The following VPS52 variants were observed in gnomAD, a reference collection of about 807,000 sequenced individuals.
The protein encoded by VPS52 is vacuolar protein sorting-associated protein 52 homolog.
A neutral mutation model predicts 98.7 loss-of-function variants in VPS52; 56 were observed. The ratio of observed to expected loss-of-function variants is 0.57; its 90% CI spans 0.46 to 0.71. The LOEUF is 0.71. Among genes scored for constraint, VPS52 ranks in the 30% least tolerant of loss-of-function variants. The pLI, the probability that VPS52 is intolerant of heterozygous loss-of-function variation, is 0.00. For synonymous variants in VPS52, 348 were observed against 346.4 expected (o/e 1.00, Z -0.05); for missense variants, 742 against 925.9 (o/e 0.80, Z 2.58).
intron 17 of VPS52, among the ~76,000 whole-genome samples, chr6:33,252,635 G>C (rs1393453965): frequency 3.5e-5 from 5 of 142,862 alleles, no homozygotes; most frequent in Non-Finnish European, 7.7e-5. Flanking sequence ...CAATTAGTAA[G>C]AACTATGAGG....
chr6:33,267,874 C>T lies in VPS52; in HGVS notation c.924G>A (p.Met308Ile). 13 of 1,613,114 alleles carry T rather than the reference C, an allele frequency of 8.1e-6. No individual in the cohort carries two copies. The highest frequency in any genetic ancestry group is 1.1e-5 in the Non-Finnish European group (13 of 1,180,030). The change falls in exon 9 of 20, where the codon ATG becomes ATA. Residue 308 changes from methionine (M) to isoleucine (I), a missense_variant. By Grantham distance (10) the Met-to-Ile change is conservative. Around this residue, in one of 2 missense-constraint regions of VPS52, gnomAD observed 590 missense variants for 793.3 expected, o/e 0.74. Transcript: ENST00000445902. The surrounding 1 kb of genome is among the most constrained non-coding windows in gnomAD (Gnocchi z 4.2). ...TCCCTCCTGACCTTACCTGCACCTT[C>T]ATGAGCCGCCCCAGGTAAGAGCGGT... ...SYYRSYLGRL[M>I]KVQYEEVAEK... is the part of the protein sequence containing the mutation.
chr6:33,250,519 G>A lies in VPS52; in HGVS notation c.*322C>T, dbSNP rs549565721. The A allele has an allele frequency of 9.4e-6, 3 of 318,206 alleles. No homozygotes were observed. Among genetic ancestry groups the A allele is most frequent in the African/African-American group, 2.1e-5 (1 of 46,738 alleles). The allele number at this position is 318,206 out of a possible 1,614,324, so 19.7% of individuals were successfully genotyped here. A position where few individuals can be genotyped will look rare whatever the true frequency, so the allele number is the denominator to read the frequency against. On this transcript the variant is annotated 3_prime_UTR_variant, in exon 20 of 20. Transcript: ENST00000445902. ...GAGTGAACCAGAGATTGAGGCAGTG[G>A]TTTTTACAGGGGAAGAAACAAGCCT...
intron 3 of VPS52, 36 bp downstream of exon 3, chr6:33,269,963 G>A (rs770800596): frequency 2.1e-5 from 34 of 1,613,504 alleles, no homozygotes; most frequent in Non-Finnish European, 2.8e-5. Context: ...GGGTAGAATA[G>A]ATAGAAGGGC....
Position 33,267,297 on chromosome 6 carries a change from C to T in VPS52, c.1016G>A (p.Arg339His), listed in dbSNP as rs565653358. 7.5e-6 allele frequency: 12 copies of T among 1,598,194 alleles called. No homozygotes were observed. The highest frequency in any genetic ancestry group is 4.0e-5 in the African/African-American group (3 of 74,208). The stretch of plus-strand genomic sequence containing the variant: ...TAGGGTGAAAATGGTGTTCCTGCTG[C>T]GGAGCGATGGCTTTGAGAAGAATCG... ...KKGFFSKPSL[R>H]SRNTIFTLGT... is the part of the protein sequence containing the mutation. Residue 339 changes from arginine (R) to histidine (H), a missense_variant, in exon 11 of 20, where the codon CGC becomes CAC. Arg to His is a conservative substitution (Grantham distance 29). This residue lies in a region of VPS52 where 590 missense variants were observed against 793.3 expected (regional missense o/e 0.74). Coordinates refer to ENST00000445902, the MANE Select transcript of VPS52 (RefSeq NM_022553.6). This position sits in a 1 kb window ranked among gnomAD's most constrained non-coding sequence, Gnocchi z 4.2.
chr6:33,264,745 G>A (rs6935726), intron 13 of VPS52, 37 bp downstream of exon 13: 2 of 1,579,778 alleles, frequency 1.3e-6, no homozygotes, highest in Admixed American at 1.7e-5. Context: ...AAGAGAGTTC[G>A]TGGCCTGTTG....
At position 33,267,378 on chromosome 6, in the gene VPS52, A is replaced by T. The variant is rs1764463260; in HGVS notation, c.992-57T>A. On this transcript the variant is annotated intron_variant, in intron 10 of 19. Coordinates refer to ENST00000445902, the MANE Select transcript of VPS52 (RefSeq NM_022553.6). This position sits in a 1 kb window ranked among gnomAD's most constrained non-coding sequence, Gnocchi z 4.2. ...AGACCATAACTGGGCCCAAAGACTC[A>T]CTATCTGTGGGGACCCCAGACAGGC... is the stretch of plus-strand genomic sequence containing the variant. The T allele has an allele frequency of 6.6e-7, 1 of 1,523,924 alleles. No individual in the cohort carries two copies. Among genetic ancestry groups the T allele is most frequent in the Non-Finnish European group, 8.8e-7 (1 of 1,136,128 alleles). 94.4% of individuals were successfully genotyped at this position (1,523,924 alleles called of 1,614,324 possible).
intron 17 of VPS52, 38 bp downstream of exon 17, chr6:33,263,446 A>G: frequency 6.4e-7 from 1 of 1,561,016 alleles, no homozygotes; most frequent in Non-Finnish European, 8.7e-7. Context: ...TGAAAACAGC[A>G]CAGAAGGCTG....
intron 17 of VPS52, 118 bp downstream of exon 17, chr6:33,263,366 A>G (rs1763866553): frequency 2.8e-6 from 2 of 720,848 alleles, no homozygotes; most frequent in Non-Finnish European, 4.1e-6. Context: ...CATACCTGAG[A>G]TCCATTATGC....
Position 33,267,646 on chromosome 6 carries a change from A to G in VPS52, c.991+36T>C, listed in dbSNP as rs1298905183. 1 of 1,612,066 alleles carries G rather than the reference A, an allele frequency of 6.2e-7. No individual in the cohort carries two copies. Among genetic ancestry groups the G allele is most frequent in the Non-Finnish European group, 8.5e-7 (1 of 1,179,402 alleles). On this transcript the variant is annotated intron_variant, in intron 10 of 19. Coordinates refer to ENST00000445902, the MANE Select transcript of VPS52 (RefSeq NM_022553.6). The surrounding 1 kb of genome is among the most constrained non-coding windows in gnomAD (Gnocchi z 4.2). ...TGGAGTCGAAAGTCCTCCCACTCTC[A>G]AGGCCTGGCATGAGGGTTCCCCAGT...
rs774127115 is a variant in VPS52 at position 33,264,494 on chromosome 6, G to A, written c.1404C>T (p.Tyr468=). The change falls in exon 14 of 20, where the codon TAC becomes TAT. Residue 468 remains tyrosine, a synonymous_variant. Coordinates refer to ENST00000445902, the MANE Select transcript of VPS52 (RefSeq NM_022553.6). The part of the protein sequence containing the change: ...AKRDVPALDR[Y]WEQVLALLWP... ...ATAGCAAGGCAAGCACCTGTTCCCA[G>A]TACCTGTGGGCTTAATCAGAATCAG... 3 of 1,614,126 alleles carry A rather than the reference G, an allele frequency of 1.9e-6. No individual in the cohort carries two copies. Among genetic ancestry groups the A allele is most frequent in the Non-Finnish European group, 2.5e-6 (3 of 1,180,020 alleles).
chr6:33,254,347 C>T (rs942350087), intron 17 of VPS52, among the ~76,000 whole-genome samples: 12 of 152,106 alleles, frequency 7.9e-5, no homozygotes, highest in African/African-American at 2.9e-4. Flanking sequence ...TCACTTATAT[C>T]CACTGAGGGT....
rs1241926465 is a variant in VPS52, at chr6:33,268,008, A to G, written c.801-11T>C. The G allele has an allele frequency of 1.9e-6, 3 of 1,613,074 alleles. No individual in the cohort carries two copies. In the East Asian group the frequency reaches 6.7e-5, roughly 36 times the overall value. ...AACTGATAGAAGAACCTAGGGGGTCAGGAACATGTCAGTCTACCTGTCTCC... is the reference window on the plus strand; with the variant it reads ...AACTGATAGAAGAACCTAGGGGGTCGGGAACATGTCAGTCTACCTGTCTCC... On this transcript the variant is annotated splice_polypyrimidine_tract_variant and intron_variant, in intron 8 of 19. Transcript: ENST00000445902. The surrounding 1 kb of genome is among the most constrained non-coding windows in gnomAD (Gnocchi z 4.0).
chr6:33,250,774 A>C lies in VPS52; in HGVS notation c.*67T>G. ...CTGGAAGGGGTACCCCAGGTGAAGA[A>C]GGGTATGGAATGGGGTGCAGAAGTC... On this transcript the variant is annotated 3_prime_UTR_variant, in exon 20 of 20. Coordinates refer to ENST00000445902, the MANE Select transcript of VPS52 (RefSeq NM_022553.6). 9.6e-6 allele frequency: 15 copies of C among 1,560,058 alleles called. No individual in the cohort carries two copies. Among genetic ancestry groups the C allele is most frequent in the Non-Finnish European group, 1.7e-6 (2 of 1,150,976 alleles).
intron 19 of VPS52, 69 bp downstream of exon 19, chr6:33,251,449 C>A (rs1235545569): frequency 4.5e-6 from 5 of 1,103,810 alleles, no homozygotes; most frequent in Non-Finnish European, 6.8e-6. Flanking sequence ...TGATGCTGAG[C>A]CCAGCAAAAA....
At chr6:33,265,098 GT>G (rs1764145323) in intron 12 of VPS52, among the ~76,000 whole-genome samples, 198 bp from the exon 13 acceptor site, 2 of 152,022 alleles carry the variant, frequency 1.3e-5, no homozygotes, top group South Asian at 4.2e-4. Flanking sequence ...TTGAGATAGA[GT>G]TTCACTCTTG....
Position 33,258,282 on chromosome 6 carries a change from G to T in VPS52, c.1794+5202C>A, listed in dbSNP as rs143037334. ...CACGCCTGTAATCCCAGCTACTCAG[G>T]AGGCTGAGAAAGGATAAGTGCTTGA... On this transcript the variant is annotated intron_variant, in intron 17 of 19. Coordinates refer to ENST00000445902, the MANE Select transcript of VPS52 (RefSeq NM_022553.6). Among the ~76,000 whole-genome samples, 431 of 151,594 alleles carry T rather than the reference G, an allele frequency of 2.8e-3. 3 individuals are homozygous for T. Among genetic ancestry groups the T allele is most frequent in the Middle Eastern group, 0.01 (3 of 292 alleles).
At chr6:33,251,387 T>A in intron 19 of VPS52, 131 bp downstream of exon 19, 1 of 693,772 alleles carries the variant, frequency 1.4e-6, no homozygotes. Flanking sequence ...AGGTTAGGGC[T>A]CATACAGAAC....
At chr6:33,257,487 C>T (rs977821899) in intron 17 of VPS52, among the ~76,000 whole-genome samples, 1 of 152,148 alleles carries the variant, frequency 6.6e-6, no homozygotes, top group African/African-American at 2.4e-5. Flanking sequence ...CATCCTCCAC[C>T]TCCCTGGTTC....
chr6:33,270,462 G>A (rs1397862518), intron 1 of VPS52, among the ~76,000 whole-genome samples, 179 bp from the exon 2 acceptor site: 1 of 152,156 alleles, frequency 6.6e-6, no homozygotes, highest in Admixed American at 6.5e-5. Context: ...GTGCTGATGG[G>A]TAAGGAATAC....
Sources: gnomAD v4.1 joint callset for allele counts (sites outside exome capture counted in the v4.1 genomes callset) on GRCh38, gnomAD v4.1.1 for gene constraint, gnomAD v4.1.1 regional missense constraint, Gnocchi (gnomAD v3.1) non-coding constraint, MANE v1.5 for transcripts, NCBI Gene and HGNC (gene_info 2026-07-23, HGNC 2026-07-21) for gene names.